The following ANO2 variants were observed in gnomAD, a reference collection of about 807,000 sequenced individuals.
The protein encoded by ANO2 is anoctamin 2.
In ANO2, 101 loss-of-function variants were observed where a neutral mutation model predicts 124.2. The observed-to-expected ratio is 0.81, with a 90% CI of 0.69 to 0.96. The LOEUF is 0.96. ANO2 is among the 40% of genes least tolerant of loss of function. ANO2 has a pLI of 0.00. For missense variants in ANO2, 1,293 were observed against 1,274.5 expected, an observed-to-expected ratio of 1.01 and a Z score of -0.22; for synonymous variants, 486 against 482.5, an observed-to-expected ratio of 1.01 and a Z score of -0.09.
chr12:5,722,722 A>ATG (rs144004066), intron 14 of ANO2, among the ~76,000 whole-genome samples: 7 of 151,858 alleles, frequency 4.6e-5, no homozygotes, highest in Middle Eastern at 3.4e-3. Flanking sequence ...TGACTTTCGT[A>ATG]TGTGTGTGTG....
intron 3 of ANO2, among the ~76,000 whole-genome samples, chr12:5,860,543 A>G (rs550707119): frequency 9.2e-5 from 14 of 152,316 alleles, no homozygotes; most frequent in African/African-American, 3.4e-4. Context: ...ACCAATCTCT[A>G]AAAATTAGCT....
At chr12:5,797,568 T>C (rs961283621) in intron 10 of ANO2, among the ~76,000 whole-genome samples, 1 of 152,160 alleles carries the variant, frequency 6.6e-6, no homozygotes, top group East Asian at 1.9e-4. Flanking sequence ...CTTCTGACCC[T>C]AGTGCTCCCC....
At chr12:5,705,006 C>T (rs1418608758) in intron 14 of ANO2, among the ~76,000 whole-genome samples, 1 of 152,160 alleles carries the variant, frequency 6.6e-6, no homozygotes, top group Non-Finnish European at 1.5e-5. Context: ...ATTTCACTAA[C>T]AGATTGTACA....
At chr12:5,573,951 A>G (rs183083484) in intron 23 of ANO2, among the ~76,000 whole-genome samples, 2 of 152,316 alleles carry the variant, frequency 1.3e-5, no homozygotes, top group East Asian at 3.9e-4. Context: ...TCAGACCACA[A>G]ATCTGAACCT....
chr12:5,686,266 C>T (rs1948703706), intron 14 of ANO2, among the ~76,000 whole-genome samples: 1 of 152,220 alleles, frequency 6.6e-6, no homozygotes, highest in African/African-American at 2.4e-5. Flanking sequence ...CCACTACCCA[C>T]ATCATCAGCA....
intron 14 of ANO2, among the ~76,000 whole-genome samples, chr12:5,705,761 T>C (rs1208836524): frequency 6.6e-6 from 1 of 152,214 alleles, no homozygotes; most frequent in African/African-American, 2.4e-5. Context: ...TGTTTTTGCT[T>C]CTCTAGTCCA....
chr12:5,906,359 A>G (rs893104239), intron 3 of ANO2, among the ~76,000 whole-genome samples: 4 of 150,642 alleles, frequency 2.7e-5, no homozygotes, highest in Non-Finnish European at 5.9e-5. Context: ...AAAAAAAAAA[A>G]AAAAGAAAAA....
intron 11 of ANO2, among the ~76,000 whole-genome samples, chr12:5,750,621 A>T (rs895305963): frequency 1.3e-5 from 2 of 152,218 alleles, no homozygotes; most frequent in Non-Finnish European, 2.9e-5. Flanking sequence ...TGACTAGAAG[A>T]GGAAGTAGGC....
chr12:5,873,342 G>A (rs539373439), intron 3 of ANO2, among the ~76,000 whole-genome samples: 4 of 152,074 alleles, frequency 2.6e-5, no homozygotes, highest in South Asian at 2.1e-4. Flanking sequence ...TCACTAGGCC[G>A]GCGAAGCCAC....
chr12:5,833,071 T>G (rs917371875), intron 4 of ANO2, among the ~76,000 whole-genome samples: 9 of 152,256 alleles, frequency 5.9e-5, no homozygotes, highest in African/African-American at 2.2e-4. Flanking sequence ...ATTTAACTCA[T>G]GTCAACCTAA....
At chr12:5,793,775 C>T (rs77163953) in intron 10 of ANO2, among the ~76,000 whole-genome samples, 1,586 of 152,352 alleles carry the variant, frequency 0.01, 24 homozygotes, top group African/African-American at 0.034. Flanking sequence ...AAGACCAACA[C>T]AGTCATTAGC....
chr12:5,746,020 C>T (rs1047483919), intron 11 of ANO2, among the ~76,000 whole-genome samples: 4 of 152,162 alleles, frequency 2.6e-5, no homozygotes, highest in African/African-American at 4.8e-5. Flanking sequence ...AAAAGACGTT[C>T]GCTTTTAAGT....
chr12:5,597,012 C>T (rs1943696451), intron 20 of ANO2, among the ~76,000 whole-genome samples: 1 of 152,076 alleles, frequency 6.6e-6, no homozygotes, highest in Admixed American at 6.5e-5. Flanking sequence ...GGTTACCCAG[C>T]TAGTTGGTCA....
intron 15 of ANO2, among the ~76,000 whole-genome samples, chr12:5,640,610 A>G (rs983426193): frequency 4.6e-5 from 7 of 152,248 alleles, no homozygotes; most frequent in Non-Finnish European, 8.8e-5. Context: ...TGCAGCCAAC[A>G]GACACATGAA....
At chr12:5,614,046 T>C (rs964629940) in intron 17 of ANO2, among the ~76,000 whole-genome samples, 7 of 152,224 alleles carry the variant, frequency 4.6e-5, no homozygotes, top group Non-Finnish European at 7.3e-5. Context: ...TGACAGCTCG[T>C]GCTATTAGTG....
chr12:5,729,785 A>G (rs186893652), intron 14 of ANO2, among the ~76,000 whole-genome samples: 41 of 152,334 alleles, frequency 2.7e-4, no homozygotes, highest in African/African-American at 8.9e-4. Context: ...GCATCGATAA[A>G]TAAAATGAAG....
chr12:5,589,817 C>A (rs1008945340), intron 20 of ANO2, among the ~76,000 whole-genome samples: 1 of 152,002 alleles, frequency 6.6e-6, no homozygotes, highest in Non-Finnish European at 1.5e-5. Context: ...CAGGAGGGAG[C>A]TGTAGGGTGC....
chr12:5,821,045 T>C (rs1373338800), intron 7 of ANO2, among the ~76,000 whole-genome samples: 2 of 152,208 alleles, frequency 1.3e-5, no homozygotes, highest in Non-Finnish European at 1.5e-5. Flanking sequence ...ATAATCTTAT[T>C]TGGAGAGACC....
intron 14 of ANO2, among the ~76,000 whole-genome samples, chr12:5,712,963 T>C (rs1949869507): frequency 6.6e-6 from 1 of 152,156 alleles, no homozygotes; most frequent in Non-Finnish European, 1.5e-5. Flanking sequence ...CCAAGAAATT[T>C]GAAAATAATC....
Sources: allele counts gnomAD v4.1 joint callset (sites outside exome capture counted in the v4.1 genomes callset), GRCh38; gene constraint gnomAD v4.1.1; transcripts MANE v1.5; gene names NCBI Gene and HGNC (gene_info 2026-07-23, HGNC 2026-07-21).